The following ASTN2 variants were observed in gnomAD, a reference collection of about 807,000 sequenced individuals.
ASTN2 encodes astrotactin 2.
In ASTN2, 54 loss-of-function variants were observed where a neutral mutation model predicts 139.8. That is an observed-to-expected ratio of 0.39 (90% CI 0.31 to 0.48). The LOEUF is 0.48. ASTN2 is among the 20% of genes least tolerant of loss of function. The pLI is 0.95. For missense variants in ASTN2, 1,565 were observed against 1,725.1 expected, an observed-to-expected ratio of 0.91 and a Z score of 1.64; for synonymous variants, 756 against 719.5, an observed-to-expected ratio of 1.05 and a Z score of -0.81.
chr9:117,013,985 C>T (rs1449103322), intron 6 of ASTN2, among the ~76,000 whole-genome samples: 1 of 152,120 alleles, frequency 6.6e-6, no homozygotes, highest in East Asian at 1.9e-4. Context: ...ATGGTCTTTA[C>T]AAATGAAGTG....
intron 19 of ASTN2, among the ~76,000 whole-genome samples, chr9:116,569,723 T>G (rs1027474162): frequency 2.6e-5 from 4 of 152,162 alleles, no homozygotes; most frequent in African/African-American, 9.7e-5. Context: ...TATGGTAGGC[T>G]GCGTGATGAT....
intron 5 of ASTN2, among the ~76,000 whole-genome samples, chr9:117,048,880 T>C (rs1189596564): frequency 1.3e-5 from 2 of 151,932 alleles, no homozygotes; most frequent in Non-Finnish European, 2.9e-5. Flanking sequence ...CATGTCACTA[T>C]GTTGCTAGTG....
intron 11 of ASTN2, among the ~76,000 whole-genome samples, chr9:116,852,878 TACACACACAC>T (rs3040211): frequency 8.2e-5 from 11 of 134,270 alleles, no homozygotes; most frequent in South Asian, 2.6e-4. Flanking sequence ...AAGGGGAAAA[TACACACACAC>T]ACACACACAC....
intron 20 of ASTN2, among the ~76,000 whole-genome samples, chr9:116,462,880 C>A (rs1156776211): frequency 1.3e-5 from 2 of 151,232 alleles, no homozygotes; most frequent in Non-Finnish European, 2.9e-5. Flanking sequence ...AAATTTCTAA[C>A]TAATATTACC....
rs1832569201 is a variant in ASTN2 at position 116,850,452 on chromosome 9, C to T, written c.2040+13131G>A. Among the ~76,000 whole-genome samples the T allele has an allele frequency of 3.3e-5, 5 of 152,292 alleles. No individual in the cohort carries two copies. The South Asian group carries it at 1.0e-3, about 32-fold the overall frequency. On this transcript the variant is annotated intron_variant, in intron 11 of 22. Coordinates refer to ENST00000313400, the MANE Select transcript of ASTN2 (RefSeq NM_001365068.1). ...CAGAACCAGTGCTCTCAAATCCCCA[C>T]CAATGTCATCTAGTGGTTACTGGAG...
intron 11 of ASTN2, among the ~76,000 whole-genome samples, chr9:116,861,824 G>C (rs1483937370): frequency 6.6e-6 from 1 of 152,222 alleles, no homozygotes; most frequent in Non-Finnish European, 1.5e-5. Flanking sequence ...TGTCCTGTAG[G>C]ACTTGCATCC....
chr9:116,834,088 A>G (rs1831909209), intron 11 of ASTN2, among the ~76,000 whole-genome samples: 1 of 152,260 alleles, frequency 6.6e-6, no homozygotes, highest in African/African-American at 2.4e-5. Flanking sequence ...AGCAGTCCAC[A>G]GCTGCTGAAG....
intron 19 of ASTN2, among the ~76,000 whole-genome samples, chr9:116,558,004 A>G (rs529967219): frequency 2.0e-5 from 3 of 152,332 alleles, no homozygotes; most frequent in South Asian, 2.1e-4. Flanking sequence ...TAAGCATAGA[A>G]ATAGAATGAC....
chr9:116,674,457 G>A (rs919646887), intron 16 of ASTN2, among the ~76,000 whole-genome samples: 2 of 152,212 alleles, frequency 1.3e-5, no homozygotes, highest in Non-Finnish European at 2.9e-5. Context: ...AATTAATCTG[G>A]TCGCCCTCCC....
Position 117,060,459 on chromosome 9 carries a change from AGGAAGGAAGGAAG to A in ASTN2, c.1277-20507_1277-20495del, listed in dbSNP as rs1839242276. Among the ~76,000 whole-genome samples the A allele has an allele frequency of 7.4e-4, 66 of 88,636 alleles. 3 individuals carry two copies. In the East Asian group the frequency reaches 0.013, roughly 17 times the overall value. The allele number at this position is 88,636 out of a possible 152,430, so 58.1% of individuals were successfully genotyped here. ...GAGAGAGAGAGAAAGAAAGAAAGAA[AGGAAGGAAGGAAG>A]GAAGGAAGGAAGGAATGAAAGAAAG... On this transcript the variant is annotated intron_variant, in intron 5 of 22. Coordinates refer to ENST00000313400, the MANE Select transcript of ASTN2 (RefSeq NM_001365068.1).
At chr9:117,265,044 C>G (rs1833910946) in intron 2 of ASTN2, among the ~76,000 whole-genome samples, 1 of 152,140 alleles carries the variant, frequency 6.6e-6, no homozygotes, top group Non-Finnish European at 1.5e-5. Context: ...AAGTCAAGGT[C>G]ATTTTTCCCC....
At chr9:117,093,705 T>G (rs879817475) in intron 5 of ASTN2, among the ~76,000 whole-genome samples, 1 of 152,210 alleles carries the variant, frequency 6.6e-6, no homozygotes, top group Non-Finnish European at 1.5e-5. Context: ...GGTTCTAAGT[T>G]CATTTGCCTA....
chr9:116,430,076 G>T (rs1329731589), intron 22 of ASTN2, among the ~76,000 whole-genome samples: 1 of 152,174 alleles, frequency 6.6e-6, no homozygotes, highest in Non-Finnish European at 1.5e-5. Context: ...AAGCCATGAT[G>T]TAGTATTTGG....
intron 17 of ASTN2, among the ~76,000 whole-genome samples, chr9:116,637,824 C>G (rs567102318): frequency 6.6e-6 from 1 of 152,138 alleles, no homozygotes; most frequent in East Asian, 1.9e-4. Flanking sequence ...CCTATAGTCC[C>G]AGCTACTTGA....
At chr9:116,773,887 T>C (rs985733830) in intron 13 of ASTN2, among the ~76,000 whole-genome samples, 2 of 152,188 alleles carry the variant, frequency 1.3e-5, no homozygotes, top group African/African-American at 4.8e-5. Flanking sequence ...TTCTAAGGCA[T>C]ACATTGTTCC....
rs750323841 is a variant in ASTN2, at chr9:117,141,325, C to T, written c.1168+1G>A. 5 of 1,367,114 alleles carry T rather than the reference C, an allele frequency of 3.7e-6. No individual in the cohort carries two copies. Among genetic ancestry groups the T allele is most frequent in the African/African-American group, 2.9e-5 (2 of 67,848 alleles). The allele number at this position is 1,367,114 out of a possible 1,614,324, so 84.7% of individuals were successfully genotyped here. A position where few individuals can be genotyped will look rare whatever the true frequency, so the allele number is the denominator to read the frequency against. ...TGGCCAGATGTGCCAGGAGGGCCTACCTCGAGACTTGCTCCTCCGCTTCCT... is the reference window on the plus strand; with the variant it reads ...TGGCCAGATGTGCCAGGAGGGCCTATCTCGAGACTTGCTCCTCCGCTTCCT... On this transcript the variant is annotated splice_donor_variant, in intron 4 of 22. Transcript: ENST00000313400. LOFTEE classifies it high-confidence loss of function.
At chr9:117,055,900 G>C (rs2132675563) in intron 5 of ASTN2, among the ~76,000 whole-genome samples, 1 of 152,346 alleles carries the variant, frequency 6.6e-6, no homozygotes, top group East Asian at 1.9e-4. Context: ...TCCAAGGTTA[G>C]GTTATGAAAG....
chr9:116,586,444 C>T (rs981145916), intron 19 of ASTN2: 2 of 152,174 alleles, frequency 1.3e-5, no homozygotes, highest in Non-Finnish European at 2.9e-5. Flanking sequence ...ATACACACCA[C>T]AGAATACTAC....
intron 19 of ASTN2, among the ~76,000 whole-genome samples, chr9:116,573,573 A>G (rs1853609140): frequency 6.6e-6 from 1 of 152,232 alleles, no homozygotes; most frequent in Admixed American, 6.5e-5. Context: ...GCAAGACCCC[A>G]AGTAGCATAA....
Sources: gnomAD v4.1 joint callset for allele counts (sites outside exome capture counted in the v4.1 genomes callset) on GRCh38, gnomAD v4.1.1 for gene constraint, MANE v1.5 for transcripts, NCBI Gene and HGNC (gene_info 2026-07-23, HGNC 2026-07-21) for gene names.